GATAD2A: variants seen among roughly 807,000 people sequenced by gnomAD.
GATAD2A encodes GATA zinc finger domain containing 2A, also known as transcriptional repressor p66-alpha.
GATAD2A carries 12 observed loss-of-function variants against 68.5 expected under a neutral mutation model. That is an observed-to-expected ratio of 0.18 (90% CI 0.11 to 0.28). The LOEUF (loss-of-function observed/expected upper bound fraction) is 0.28, where lower values mean the gene tolerates loss of function less well. GATAD2A is among the 10% of genes least tolerant of loss of function. The pLI is 1.00. For synonymous variants in GATAD2A, 410 were observed against 375.3 expected (o/e 1.09, Z -1.07); for missense variants, 755 against 868.5 (o/e 0.87, Z 1.64).
chr19:19,472,198 T>C (rs2148119360), intron 2 of GATAD2A, among the ~76,000 whole-genome samples: 1 of 152,216 alleles, frequency 6.6e-6, no homozygotes, highest in East Asian at 1.9e-4. Flanking sequence ...CCAGGCCGGT[T>C]CTTTCTGTTT....
At chr19:19,428,897 C>T (rs2053400597) in intron 1 of GATAD2A, among the ~76,000 whole-genome samples, 1 of 152,202 alleles carries the variant, frequency 6.6e-6, no homozygotes. Flanking sequence ...ATTGGCCGCG[C>T]CCCGAAGCTC....
intron 1 of GATAD2A, among the ~76,000 whole-genome samples, chr19:19,413,528 GGGTT>G (rs2051214125): frequency 6.6e-6 from 1 of 152,082 alleles, no homozygotes; most frequent in African/African-American, 2.4e-5. Context: ...TCCTTTCCTA[GGGTT>G]CTCTTATAGC....
intron 2 of GATAD2A, among the ~76,000 whole-genome samples, chr19:19,469,481 T>C (rs1430730293): frequency 6.8e-6 from 1 of 147,168 alleles, no homozygotes; most frequent in Admixed American, 6.7e-5. Flanking sequence ...CACTAAAAAA[T>C]ATTTAACACG....
At chr19:19,408,557 C>A (rs1333809212) in intron 1 of GATAD2A, among the ~76,000 whole-genome samples, 1 of 152,114 alleles carries the variant, frequency 6.6e-6, no homozygotes, top group African/African-American at 2.4e-5. Flanking sequence ...AATGAGGAAA[C>A]ATGTTTTAAA....
At chr19:19,426,597 G>C (rs931856557) in intron 1 of GATAD2A, among the ~76,000 whole-genome samples, 1 of 151,408 alleles carries the variant, frequency 6.6e-6, no homozygotes. Context: ...TGCAGCCTCC[G>C]CCTCCTGGGT....
At chr19:19,456,489 CAT>C (rs2056950395) in intron 1 of GATAD2A, among the ~76,000 whole-genome samples, 2 of 152,322 alleles carry the variant, frequency 1.3e-5, no homozygotes, top group South Asian at 4.1e-4. Context: ...CATATATCCA[CAT>C]GTGTCATTGC....
chr19:19,505,485 GC>G lies in GATAD2A; in HGVS notation c.*15del. The G allele has an allele frequency of 6.4e-7, 1 of 1,566,638 alleles. No homozygotes were observed. On this transcript the variant is annotated 3_prime_UTR_variant, in exon 12 of 12. Transcript: ENST00000683918. ...GCCACGTGGAAATAGTGCGAGCCAG[GC>G]CCCGTGGAAGACGGGCTCCCTCCTC...
In GATAD2A at chr19:19,461,669, G is replaced by T. The variant is rs147501762; in HGVS notation, c.-6-3671G>T. 4.7e-3 allele frequency among the ~76,000 whole-genome samples: 713 copies of T among 152,366 alleles called. 4 individuals are homozygous for T. Among genetic ancestry groups the T allele is most frequent in the South Asian group, 0.041 (196 of 4,826 alleles). On this transcript the variant is annotated intron_variant, in intron 1 of 11. Transcript: ENST00000683918. ...TGGCCCCTAGTTGAGGAAGAGCTGGGCTACGCCCCCACCACCTGCCAGCCC... is the reference window on the plus strand; with the variant it reads ...TGGCCCCTAGTTGAGGAAGAGCTGGTCTACGCCCCCACCACCTGCCAGCCC...
chr19:19,393,307 A>T (rs1410582331), intron 1 of GATAD2A, among the ~76,000 whole-genome samples: 1 of 148,764 alleles, frequency 6.7e-6, no homozygotes, highest in African/African-American at 2.4e-5. Flanking sequence ...ATTCCGTGTA[A>T]AAAAAAAAAA....
intron 2 of GATAD2A, among the ~76,000 whole-genome samples, chr19:19,491,724 G>A (rs529417693): frequency 6.6e-6 from 1 of 152,340 alleles, no homozygotes; most frequent in Non-Finnish European, 1.5e-5. Context: ...GGCAGCCTGT[G>A]GATACACCCC....
upstream of GATAD2A, among the ~76,000 whole-genome samples, chr19:19,401,435 G>T (rs1370638151): frequency 6.6e-6 from 1 of 151,874 alleles, no homozygotes; most frequent in Non-Finnish European, 1.5e-5. Flanking sequence ...GGATGGTCTC[G>T]ATCTCCTGAT....
Position 19,465,322 on chromosome 19 carries a change from C to T in GATAD2A, c.-6-18C>T, listed in dbSNP as rs1166059447. On this transcript the variant is annotated intron_variant, in intron 1 of 11. Coordinates refer to ENST00000683918, the MANE Select transcript of GATAD2A (RefSeq NM_001384528.1). ...ATTGCACCCAGTTAAAATGTTGTGT[C>T]TTCTCCTCCCTCCCAAGTTCAGAAT... 1 of 1,606,140 alleles carries T rather than the reference C, an allele frequency of 6.2e-7. No homozygotes were observed. Among genetic ancestry groups the T allele is most frequent in the Non-Finnish European group, 8.5e-7 (1 of 1,172,734 alleles).
chr19:19,482,636 A>G (rs2059136042), intron 2 of GATAD2A, among the ~76,000 whole-genome samples: 1 of 152,198 alleles, frequency 6.6e-6, no homozygotes, highest in East Asian at 1.9e-4. Context: ...AACTGGGGGT[A>G]ATGATGGAGC....
intron 1 of GATAD2A, among the ~76,000 whole-genome samples, chr19:19,416,898 A>T (rs1388676130): frequency 6.6e-6 from 1 of 151,852 alleles, no homozygotes; most frequent in Non-Finnish European, 1.5e-5. Context: ...AGTAGCTGGG[A>T]TTACAGGCAT....
At chr19:19,445,622 C>G (rs981352624) in intron 1 of GATAD2A, among the ~76,000 whole-genome samples, 3 of 152,212 alleles carry the variant, frequency 2.0e-5, no homozygotes, top group African/African-American at 7.2e-5. Context: ...ATTCTACTTT[C>G]TGTCTCTGGG....
At chr19:19,388,479 G>A (rs543080177) in intron 1 of GATAD2A, among the ~76,000 whole-genome samples, 1 of 152,078 alleles carries the variant, frequency 6.6e-6, no homozygotes, top group Non-Finnish European at 1.5e-5. Context: ...CTTTTATTTC[G>A]GTTTCCAGGA....
At chr19:19,463,759 G>A (rs2057652852) in intron 1 of GATAD2A, among the ~76,000 whole-genome samples, 1 of 152,182 alleles carries the variant, frequency 6.6e-6, no homozygotes, top group Non-Finnish European at 1.5e-5. Context: ...GAAGCACCAG[G>A]GATTTCCTGG....
At chr19:19,484,663 A>G (rs1159280636) in intron 2 of GATAD2A, among the ~76,000 whole-genome samples, 2 of 150,592 alleles carry the variant, frequency 1.3e-5, no homozygotes, top group African/African-American at 2.4e-5. Flanking sequence ...CCTCCCGAGT[A>G]GCTGGGACTA....
At chr19:19,470,147 T>A (rs893387663) in intron 2 of GATAD2A, among the ~76,000 whole-genome samples, 15 of 136,024 alleles carry the variant, frequency 1.1e-4, no homozygotes, top group Admixed American at 1.1e-3. Flanking sequence ...GACTTTATTT[T>A]TTTTTTTGTT....
Sources: allele counts gnomAD v4.1 joint callset (sites outside exome capture counted in the v4.1 genomes callset), GRCh38; gene constraint gnomAD v4.1.1; transcripts MANE v1.5; gene names NCBI Gene and HGNC (gene_info 2026-07-23, HGNC 2026-07-21).